CCDC122: variants seen among roughly 807,000 people sequenced by gnomAD.
The protein encoded by CCDC122 is coiled-coil domain-containing protein 122.
CCDC122 carries 38 observed loss-of-function variants against 37.0 expected under a neutral mutation model. The observed-to-expected ratio is 1.03, with a 90% CI of 0.79 to 1.35. The LOEUF (loss-of-function observed/expected upper bound fraction) is 1.35, where lower values mean the gene tolerates loss of function less well. Ranked by LOEUF, CCDC122 falls within the 40% of genes most tolerant of loss-of-function variation. The pLI is 0.00. For missense variants in CCDC122, 305 were observed against 310.0 expected (o/e 0.98, Z 0.12); for synonymous variants, 83 against 95.6 (o/e 0.87, Z 0.77).
At chr13:43,844,809 C>T (rs959762368) in intron 6 of CCDC122, among the ~76,000 whole-genome samples, 5 of 152,094 alleles carry the variant, frequency 3.3e-5, no homozygotes, top group Admixed American at 2.6e-4. Flanking sequence ...GTGTATTCAT[C>T]GTGTATCTTT....
downstream of CCDC122, among the ~76,000 whole-genome samples, chr13:43,819,721 T>C (rs142186145): frequency 3.8e-3 from 576 of 152,056 alleles, 4 homozygotes; most frequent in Non-Finnish European, 6.5e-3. Context: ...ATAAGGAAAA[T>C]AAGAAGAGAG....
At chr13:43,873,107 T>C (rs9567293) in intron 2 of CCDC122, among the ~76,000 whole-genome samples, 77,810 of 151,840 alleles carry the variant, frequency 0.51, 20,474 homozygotes, top group African/African-American at 0.62. Flanking sequence ...GCTGGTCCCT[T>C]CTCATCTTTT....
At chr13:43,861,379 G>A (rs1954101687) in intron 4 of CCDC122, among the ~76,000 whole-genome samples, 1 of 152,100 alleles carries the variant, frequency 6.6e-6, no homozygotes, top group African/African-American at 2.4e-5. Flanking sequence ...TATGGCAAAG[G>A]GTACGGATAG....
chr13:43,868,718 G>GT lies in CCDC122; in HGVS notation c.131dup (p.Asn44LysfsTer11). ...CCTTCAAATTGAACAGAACCTTTTT[G>GT]TTTTTTTCTATCTCTGATGCTTGTG... On this transcript the variant is annotated frameshift_variant, in exon 4 of 7. Transcript: ENST00000444614. LOFTEE classifies it high-confidence loss of function. 4 of 1,552,944 alleles carry GT rather than the reference G, an allele frequency of 2.6e-6. No homozygotes were observed. The highest frequency in any genetic ancestry group is 1.2e-5 in the South Asian group (1 of 82,068).
intron 6 of CCDC122, among the ~76,000 whole-genome samples, chr13:43,844,993 G>A (rs1429051014): frequency 1.3e-5 from 2 of 152,098 alleles, no homozygotes; most frequent in Non-Finnish European, 2.9e-5. Flanking sequence ...TGGGGTTAAA[G>A]TCTACCATCA....
At chr13:43,858,968 T>G in intron 5 of CCDC122, 71 bp from the exon 6 acceptor site, 1 of 1,202,396 alleles carries the variant, frequency 8.3e-7, no homozygotes, top group Non-Finnish European at 1.1e-6. Context: ...TTTTTCAGTG[T>G]TTCTATAATT....
intron 6 of CCDC122, among the ~76,000 whole-genome samples, chr13:43,837,898 C>T (rs1160435740): frequency 2.6e-5 from 4 of 152,154 alleles, no homozygotes; most frequent in African/African-American, 9.7e-5. Flanking sequence ...AGTATTTAAA[C>T]TAACTAAAAG....
chr13:43,846,324 T>C (rs997044862), intron 6 of CCDC122, among the ~76,000 whole-genome samples: 2 of 152,188 alleles, frequency 1.3e-5, no homozygotes, highest in Non-Finnish European at 1.5e-5. Flanking sequence ...TCCGCCCACC[T>C]TGGACTCTCA....
At position 43,860,004 on chromosome 13, in the gene CCDC122, G is replaced by T; in HGVS notation, c.223C>A (p.Gln75Lys). 6.3e-7 allele frequency: 1 copy of T among 1,583,580 alleles called. No homozygotes were observed. The highest frequency in any genetic ancestry group is 8.6e-7 in the Non-Finnish European group (1 of 1,165,668). Residue 75 changes from glutamine to lysine, a missense_variant, in exon 5 of 7, where the codon CAA becomes AAA. Gln to Lys is a moderately conservative substitution (Grantham distance 53, BLOSUM62 1). Coordinates refer to ENST00000444614, the MANE Select transcript of CCDC122 (RefSeq NM_144974.5). ...ATGGCAGAATCTTGTTGATAAATTTGTCTTTCTGTTTCTTTAGTTTCTGCA... is the reference window on the plus strand; with the variant it reads ...ATGGCAGAATCTTGTTGATAAATTTTTCTTTCTGTTTCTTTAGTTTCTGCA... ...ISAETKETER[Q>K]IYQQDSAIEN...
At chr13:43,826,401 G>A (rs909814238) in intron 3 of CCDC122, among the ~76,000 whole-genome samples, 1 of 152,106 alleles carries the variant, frequency 6.6e-6, no homozygotes, top group South Asian at 2.1e-4. Flanking sequence ...TCATGTTACT[G>A]TGGTCGTTTA....
rs1171995793 is a variant in CCDC122, at chr13:43,874,822, A to AT, written c.-114+19dup. The AT allele has an allele frequency of 6.6e-6, 1 of 152,312 alleles. No individual in the cohort carries two copies. The highest frequency in any genetic ancestry group is 1.5e-5 in the Non-Finnish European group (1 of 68,044). 9.4% of individuals were successfully genotyped at this position (152,312 alleles called of 1,614,324 possible). A position where few individuals can be genotyped will look rare whatever the true frequency, so the allele number is the denominator to read the frequency against. ...ACATCCAAAAAGAATTAATTGAATA[A>AT]TTAAAAATAAACTGTATACCTATTA... is the stretch of plus-strand genomic sequence containing the variant. On this transcript the variant is annotated intron_variant, in intron 2 of 6. Coordinates refer to ENST00000444614, the MANE Select transcript of CCDC122 (RefSeq NM_144974.5).
intron 2 of CCDC122, among the ~76,000 whole-genome samples, chr13:43,873,485 G>T (rs1408103895): frequency 6.6e-6 from 1 of 152,082 alleles, no homozygotes; most frequent in African/African-American, 2.4e-5. Flanking sequence ...TTAGCAGGGA[G>T]GTCTCTACAA....
downstream of CCDC122, among the ~76,000 whole-genome samples, chr13:43,820,883 G>A (rs923754312): frequency 1.3e-5 from 2 of 152,194 alleles, no homozygotes; most frequent in African/African-American, 2.4e-5. Flanking sequence ...TGAAGGGTAT[G>A]CGTTCTTTTA....
At position 43,858,821 on chromosome 13, in the gene CCDC122, TCCTCAAGAAAACAAG is replaced by T; in HGVS notation, c.617_631del (p.Thr206_Glu211delinsLys). On this transcript the variant is annotated inframe_deletion, in exon 6 of 7. Coordinates refer to ENST00000444614, the MANE Select transcript of CCDC122 (RefSeq NM_144974.5). ...TAATTTTTCATGTGTCTTTTTTTCT[TCCTCAAGAAAACAAG>T]TTTTTTCAATGATAGATTCTTTTAC... 7.0e-7 allele frequency: 1 copy of T among 1,429,730 alleles called. No individual in the cohort carries two copies. Among genetic ancestry groups the T allele is most frequent in the Non-Finnish European group, 9.4e-7 (1 of 1,058,342 alleles). The allele number at this position is 1,429,730 out of a possible 1,614,324, so 88.6% of individuals were successfully genotyped here.
At chr13:43,848,969 G>A (rs980378839) in intron 6 of CCDC122, 1 of 961,310 alleles carries the variant, frequency 1.0e-6, no homozygotes, top group East Asian at 1.1e-4. Flanking sequence ...GTTTTGAGAA[G>A]AAGGTTACTC....
chr13:43,873,241 A>G (rs537369080), intron 2 of CCDC122, among the ~76,000 whole-genome samples: 1 of 152,172 alleles, frequency 6.6e-6, no homozygotes, highest in African/African-American at 2.4e-5. Context: ...CAATTCCCAA[A>G]TTATATCTCT....
At chr13:43,822,046 C>T (rs1238233192), downstream of CCDC122, among the ~76,000 whole-genome samples, 5 of 152,066 alleles carry the variant, frequency 3.3e-5, no homozygotes, top group South Asian at 4.2e-4. Flanking sequence ...TCTTGATGCT[C>T]GTAGATGTTC....
intron 3 of CCDC122, 84 bp from the exon 4 acceptor site, chr13:43,868,887 C>A: frequency 1.6e-6 from 1 of 629,162 alleles, no homozygotes; most frequent in South Asian, 3.9e-5. Flanking sequence ...TACTCAAAAT[C>A]ATGAAATATT....
rs1360461276 is a variant in CCDC122, at chr13:43,858,741, G to A, written c.672+40C>T. 5 of 1,286,988 alleles carry A rather than the reference G, an allele frequency of 3.9e-6. No individual in the cohort carries two copies. The African/African-American group carries it at 6.2e-5, about 16-fold the overall frequency. 79.7% of individuals were successfully genotyped at this position (1,286,988 alleles called of 1,614,324 possible). ...GAATATAGTGTTAAGTTTTAAAAAT[G>A]GTCCCATAAAACATTGAAATCTAGA... On this transcript the variant is annotated intron_variant, in intron 6 of 6. Coordinates refer to ENST00000444614, the MANE Select transcript of CCDC122 (RefSeq NM_144974.5).
Sources: allele counts gnomAD v4.1 joint callset (sites outside exome capture counted in the v4.1 genomes callset), GRCh38; gene constraint gnomAD v4.1.1; transcripts MANE v1.5; gene names NCBI Gene and HGNC (gene_info 2026-07-23, HGNC 2026-07-21).